Variants in ARHGAP21 observed in about 807,000 individuals in gnomAD.
ARHGAP21 encodes Rho GTPase activating protein 21, also known as rho GTPase-activating protein 21.
Under a neutral mutation model 164.6 loss-of-function variants are expected in ARHGAP21, and 38 were observed. The ratio of observed to expected loss-of-function variants is 0.23; its 90% CI spans 0.18 to 0.30. The LOEUF (loss-of-function observed/expected upper bound fraction) is 0.30. Ranked by LOEUF, ARHGAP21 falls within the 10% of genes least tolerant of loss-of-function variation. ARHGAP21 has a pLI of 1.00. For missense variants in ARHGAP21, 1,822 were observed against 2,370.7 expected (o/e 0.77, Z 4.81); for synonymous variants, 766 against 857.9 (o/e 0.89, Z 1.87).
Position 24,673,519 on chromosome 10 carries a change from A to G in ARHGAP21, c.64-3122T>C, listed in dbSNP as rs555251437. Among the ~76,000 whole-genome samples, 296 of 152,334 alleles carry G rather than the reference A, an allele frequency of 1.9e-3. 1 individual carries two copies. The highest frequency in any genetic ancestry group is 6.9e-3 in the African/African-American group (285 of 41,560). On this transcript the variant is annotated intron_variant, in intron 2 of 25. Coordinates refer to ENST00000396432, the MANE Select transcript of ARHGAP21 (RefSeq NM_020824.4). ...GTGGAGGCTGTGTGCAAGAAAAGAA[A>G]AGAACTTTGATCTGTAACTCGTATC...
At position 24,675,157 on chromosome 10, in the gene ARHGAP21, A is replaced by G. The variant is rs377397259; in HGVS notation, c.64-4760T>C. On this transcript the variant is annotated intron_variant, in intron 2 of 25. Transcript: ENST00000396432. The stretch of plus-strand genomic sequence containing the variant: ...CAACTTTATTATAGCCACAAACTGG[A>G]AAACAACTGAAATATTTCAGTAACA... Among the ~76,000 whole-genome samples, 18 of 152,374 alleles carry G rather than the reference A, an allele frequency of 1.2e-4. No individual in the cohort carries two copies. The East Asian group carries it at 3.3e-3, about 28-fold the overall frequency.
intron 14 of ARHGAP21, 81 bp downstream of exon 14, chr10:24,600,565 T>C (rs1310693653): frequency 6.9e-7 from 1 of 1,457,570 alleles, no homozygotes; most frequent in Non-Finnish European, 9.2e-7. Flanking sequence ...TTTATAAAAA[T>C]GATATATCAT....
intron 9 of ARHGAP21, among the ~76,000 whole-genome samples, chr10:24,616,002 T>A (rs1160194313): frequency 6.6e-6 from 1 of 152,134 alleles, no homozygotes; most frequent in Non-Finnish European, 1.5e-5. Flanking sequence ...GGTCTTGAAC[T>A]CCCAACCTCA....
At chr10:24,695,099 A>T in intron 2 of ARHGAP21, among the ~76,000 whole-genome samples, 1 of 143,712 alleles carries the variant, frequency 7.0e-6, no homozygotes, top group African/African-American at 2.6e-5. Context: ...AAAAAAAACG[A>T]AAAGAAAGAA....
intron 4 of ARHGAP21, among the ~76,000 whole-genome samples, chr10:24,644,485 A>G (rs993504112): frequency 7.9e-5 from 12 of 152,094 alleles, no homozygotes; most frequent in African/African-American, 2.9e-4. Flanking sequence ...TCTAATTTTT[A>G]TGTTCCAACC....
At chr10:24,714,077 C>A (rs1449584836) in intron 2 of ARHGAP21, among the ~76,000 whole-genome samples, 1 of 152,128 alleles carries the variant, frequency 6.6e-6, no homozygotes, top group African/African-American at 2.4e-5. Context: ...ATCTTTAAGT[C>A]CAATAACCTT....
intron 2 of ARHGAP21, among the ~76,000 whole-genome samples, chr10:24,717,770 G>A (rs947056777): frequency 3.3e-5 from 5 of 152,252 alleles, no homozygotes; most frequent in South Asian, 2.1e-4. Context: ...GTAATGTAAC[G>A]ATCAGCTGGA....
intron 15 of ARHGAP21, 145 bp downstream of exon 15, chr10:24,597,800 G>A (rs2076649332): frequency 1.8e-6 from 2 of 1,081,590 alleles, no homozygotes; most frequent in Middle Eastern, 2.1e-4. Context: ...TTACTATATG[G>A]GAAAAAATAT....
chr10:24,590,765 G>T, intron 24 of ARHGAP21: 1 of 985,206 alleles, frequency 1.0e-6, no homozygotes, highest in Non-Finnish European at 1.2e-6. Flanking sequence ...TTATGAAAAT[G>T]GTGCCCATTA....
intron 9 of ARHGAP21, among the ~76,000 whole-genome samples, chr10:24,609,065 G>C (rs866300772): frequency 2.0e-4 from 30 of 152,282 alleles, no homozygotes; most frequent in African/African-American, 6.5e-4. Context: ...TATAGAGTCT[G>C]CTGATCCATA....
intron 2 of ARHGAP21, among the ~76,000 whole-genome samples, chr10:24,713,676 T>C (rs1845075296): frequency 6.6e-6 from 1 of 151,734 alleles, no homozygotes; most frequent in South Asian, 2.1e-4. Flanking sequence ...TCTCCCTATT[T>C]GGTCCAGGCT....
At chr10:24,674,846 A>G (rs140723324) in intron 2 of ARHGAP21, among the ~76,000 whole-genome samples, 99 of 152,282 alleles carry the variant, frequency 6.5e-4, no homozygotes, top group Non-Finnish European at 1.3e-3. Flanking sequence ...TATATAAAGA[A>G]CTCTCAAAAT....
intron 14 of ARHGAP21, among the ~76,000 whole-genome samples, chr10:24,600,206 C>T (rs1330963809): frequency 6.7e-6 from 1 of 149,248 alleles, no homozygotes; most frequent in Non-Finnish European, 1.5e-5. Context: ...TATTGTGTGA[C>T]AGTAGGCTAT....
At chr10:24,662,260 C>T (rs536865526) in intron 4 of ARHGAP21, among the ~76,000 whole-genome samples, 87 of 151,890 alleles carry the variant, frequency 5.7e-4, no homozygotes, top group Non-Finnish European at 9.4e-4. Flanking sequence ...TTTTTTAAGA[C>T]ATTATTTTTA....
At chr10:24,699,952 G>A (rs1267510236) in intron 2 of ARHGAP21, among the ~76,000 whole-genome samples, 2 of 152,102 alleles carry the variant, frequency 1.3e-5, no homozygotes, top group Admixed American at 1.3e-4. Flanking sequence ...CATCATTTTA[G>A]AAGCTTGCTG....
At chr10:24,625,390 A>T (rs935507640) in intron 7 of ARHGAP21, among the ~76,000 whole-genome samples, 1 of 151,576 alleles carries the variant, frequency 6.6e-6, no homozygotes, top group African/African-American at 2.4e-5. Context: ...ACAGGTTATT[A>T]ATTTAATGCC....
At position 24,599,304 on chromosome 10, in the gene ARHGAP21, CT is replaced by C; in HGVS notation, c.3133-1296del. 3.9e-5 allele frequency among the ~76,000 whole-genome samples: 6 copies of C among 152,302 alleles called. 1 individual carries two copies. The South Asian group carries it at 1.2e-3, about 32-fold the overall frequency. On this transcript the variant is annotated intron_variant, in intron 14 of 25. Transcript: ENST00000396432. ...AACTCCTCTGAACTATTACTTAAAG[CT>C]GAAATCCACATCTAAGTTCTTATTC...
chr10:24,593,204 G>GGAA (rs2076413503), intron 21 of ARHGAP21, among the ~76,000 whole-genome samples: 1 of 152,190 alleles, frequency 6.6e-6, no homozygotes, highest in African/African-American at 2.4e-5. Context: ...TCAGTGCAGA[G>GGAA]GAAGAAGAAG....
intron 7 of ARHGAP21, among the ~76,000 whole-genome samples, chr10:24,628,564 G>C (rs1023227747): frequency 7.3e-5 from 11 of 151,418 alleles, no homozygotes; most frequent in Non-Finnish European, 1.5e-4. Flanking sequence ...TGCTTTTCTT[G>C]AATTTAGCTA....
Sources: gnomAD v4.1 joint callset for allele counts (sites outside exome capture counted in the v4.1 genomes callset) on GRCh38, gnomAD v4.1.1 for gene constraint, MANE v1.5 for transcripts, NCBI Gene and HGNC (gene_info 2026-07-23, HGNC 2026-07-21) for gene names.